CPE: variants seen among roughly 807,000 people sequenced by gnomAD.
The protein encoded by CPE is carbocypeptidase E.
Under a neutral mutation model 53.5 loss-of-function variants are expected in CPE, and 17 were observed. That is an observed-to-expected ratio of 0.32 (90% CI 0.22 to 0.48). The LOEUF is 0.48. Among genes scored for constraint, CPE ranks in the 20% least tolerant of loss-of-function variants. The pLI is 0.99. For missense variants in CPE, 524 were observed against 614.7 expected, an observed-to-expected ratio of 0.85 and a Z score of 1.56; for synonymous variants, 226 against 228.8, an observed-to-expected ratio of 0.99 and a Z score of 0.11.
intron 3 of CPE, among the ~76,000 whole-genome samples, chr4:165,479,807 C>T (rs1732371186): frequency 6.6e-6 from 1 of 151,896 alleles, no homozygotes; most frequent in Admixed American, 6.6e-5. Flanking sequence ...CTGGCTAACA[C>T]AGTGAAAACT....
intron 1 of CPE, chr4:165,405,373 AAGCTCTCCGAATTTCTG>A: frequency 2.3e-6 from 3 of 1,294,286 alleles, no homozygotes; most frequent in Non-Finnish European, 3.4e-6. Context: ...TGGTCATTGC[AAGCTCTCCGAATTTCTG>A]AGATTCAGAG....
chr4:165,448,527 C>A (rs1279364821), intron 1 of CPE, among the ~76,000 whole-genome samples: 1 of 152,014 alleles, frequency 6.6e-6, no homozygotes, highest in African/African-American at 2.4e-5. Context: ...TAACGGGGAG[C>A]AGGAAATGCC....
chr4:165,410,918 C>G (rs913144641), intron 1 of CPE, among the ~76,000 whole-genome samples: 1 of 152,072 alleles, frequency 6.6e-6, no homozygotes, highest in Non-Finnish European at 1.5e-5. Flanking sequence ...GGATCACAGT[C>G]TAGCAGAAAG....
chr4:165,464,948 C>T (rs892349997), intron 2 of CPE, among the ~76,000 whole-genome samples: 4 of 152,032 alleles, frequency 2.6e-5, no homozygotes, highest in African/African-American at 9.7e-5. Flanking sequence ...AGAGTAACGC[C>T]ATGGGTGTAT....
At chr4:165,404,213 C>T (rs1730917239) in intron 1 of CPE, 1 of 760,274 alleles carries the variant, frequency 1.3e-6, no homozygotes, top group Non-Finnish European at 2.5e-6. Flanking sequence ...GAAAGGCCCT[C>T]CAAGACAAGG....
At chr4:165,412,305 A>G (rs894182655) in intron 1 of CPE, among the ~76,000 whole-genome samples, 2 of 152,210 alleles carry the variant, frequency 1.3e-5, no homozygotes, top group Non-Finnish European at 2.9e-5. Flanking sequence ...AAAATTGTAG[A>G]CATTAAATAT....
intron 3 of CPE, among the ~76,000 whole-genome samples, chr4:165,469,484 T>C (rs892900717): frequency 6.6e-6 from 1 of 152,190 alleles, no homozygotes; most frequent in Non-Finnish European, 1.5e-5. Context: ...TTTGTGCTCC[T>C]AAACATACCA....
chr4:165,476,975 C>G (rs1250613819), intron 3 of CPE, among the ~76,000 whole-genome samples: 1 of 152,228 alleles, frequency 6.6e-6, no homozygotes, highest in African/African-American at 2.4e-5. Context: ...TGGAAAACTT[C>G]TGGAAGCGGA....
At chr4:165,385,454 T>G (rs1180937797) in intron 1 of CPE, among the ~76,000 whole-genome samples, 5 of 148,064 alleles carry the variant, frequency 3.4e-5, no homozygotes, top group Non-Finnish European at 7.4e-5. Context: ...TTTTTTTTTT[T>G]TTTTTTTGAG....
intron 1 of CPE, among the ~76,000 whole-genome samples, chr4:165,452,208 T>G (rs1349056283): frequency 6.6e-6 from 1 of 152,108 alleles, no homozygotes; most frequent in Non-Finnish European, 1.5e-5. Flanking sequence ...CTAGAAGAAA[T>G]AAGTTCTAAT....
chr4:165,388,139 G>A (rs982420061), intron 1 of CPE, among the ~76,000 whole-genome samples: 1 of 152,144 alleles, frequency 6.6e-6, no homozygotes, highest in Non-Finnish European at 1.5e-5. Flanking sequence ...CTGCCATTGT[G>A]TAATGTTTTC....
chr4:165,443,669 A>G (rs1390864448), intron 1 of CPE, among the ~76,000 whole-genome samples: 1 of 152,200 alleles, frequency 6.6e-6, no homozygotes, highest in African/African-American at 2.4e-5. Context: ...GGTGCATCCC[A>G]ATAGCCTCAT....
chr4:165,427,691 G>A (rs978381273), intron 1 of CPE, among the ~76,000 whole-genome samples: 7 of 152,084 alleles, frequency 4.6e-5, no homozygotes, highest in Non-Finnish European at 1.0e-4. Flanking sequence ...ATCCCCCAAG[G>A]CTCTGACGGA....
chr4:165,437,172 T>C (rs1731517382), intron 1 of CPE, among the ~76,000 whole-genome samples: 1 of 152,084 alleles, frequency 6.6e-6, no homozygotes, highest in African/African-American at 2.4e-5. Flanking sequence ...CTGGCTGGGG[T>C]CACATGCTCA....
chr4:165,480,884 C>T (rs1732394658), intron 3 of CPE, among the ~76,000 whole-genome samples: 2 of 151,192 alleles, frequency 1.3e-5, no homozygotes, highest in South Asian at 2.1e-4. Context: ...TGGGAAAAGA[C>T]TGAAAAAGAG....
At chr4:165,458,586 C>A (rs911988293) in intron 1 of CPE, among the ~76,000 whole-genome samples, 2 of 152,276 alleles carry the variant, frequency 1.3e-5, no homozygotes, top group African/African-American at 4.8e-5. Flanking sequence ...CCTTAACCTA[C>A]TTTTTTTCCC....
At chr4:165,383,499 A>G (rs1321192742) in intron 1 of CPE, among the ~76,000 whole-genome samples, 1 of 152,242 alleles carries the variant, frequency 6.6e-6, no homozygotes, top group Admixed American at 6.5e-5. Context: ...TATTTCTTTT[A>G]CACGTAGTTC....
At position 165,470,948 on chromosome 4, in the gene CPE, A is replaced by T. The variant is rs1732195427; in HGVS notation, c.672+3093A>T. 5.3e-5 allele frequency among the ~76,000 whole-genome samples: 8 copies of T among 152,174 alleles called. No homozygotes were observed. The South Asian group carries it at 1.7e-3, about 32-fold the overall frequency. ...ATTAAGCCTCTGTCATGTCTTGTTG[A>T]TGGGAAGTCTAGGGGTCCTCTGTAG... On this transcript the variant is annotated intron_variant, in intron 3 of 8. Transcript: ENST00000402744.
chr4:165,425,834 G>A (rs572733931), intron 1 of CPE, among the ~76,000 whole-genome samples: 2 of 152,236 alleles, frequency 1.3e-5, no homozygotes, highest in African/African-American at 4.8e-5. Context: ...GGGTGCTCCT[G>A]ACATCTGGTG....
Sources: allele counts gnomAD v4.1 joint callset (sites outside exome capture counted in the v4.1 genomes callset), GRCh38; gene constraint gnomAD v4.1.1; transcripts MANE v1.5; gene names NCBI Gene and HGNC (gene_info 2026-07-23, HGNC 2026-07-21).